The following APP variants were observed in gnomAD, a reference collection of about 807,000 sequenced individuals.
The protein encoded by APP is amyloid beta precursor protein.
A neutral mutation model predicts 101.4 loss-of-function variants in APP; 31 were observed. The observed-to-expected ratio is 0.31, with a 90% CI of 0.23 to 0.41. The LOEUF (loss-of-function observed/expected upper bound fraction) is 0.41. APP is among the 10% of genes least tolerant of loss of function. APP has a pLI of 1.00. For missense variants in APP, 839 were observed against 1,003.7 expected (o/e 0.84, Z 2.22); for synonymous variants, 366 against 364.4 (o/e 1.00, Z -0.05).
In APP at chr21:25,881,335, A is replaced by G. The variant is rs551830226; in HGVS notation, c.*335T>C. 1.6e-5 allele frequency: 6 copies of G among 373,468 alleles called. 1 individual carries two copies. In the Admixed American group the frequency reaches 2.4e-4, roughly 15 times the overall value. The allele number at this position is 373,468 out of a possible 1,614,324, so 23.1% of individuals were successfully genotyped here. A position where few individuals can be genotyped will look rare whatever the true frequency, so the allele number is the denominator to read the frequency against. On this transcript the variant is annotated 3_prime_UTR_variant, in exon 18 of 18. Transcript: ENST00000346798. ...CTTAATTGGGTCACAAACCACAAGA[A>G]TAATATACAACTGGCTAAGGGGCTA... is the stretch of plus-strand genomic sequence containing the variant.
chr21:26,065,392 CTATTAA>C (rs2046418074), intron 3 of APP, among the ~76,000 whole-genome samples: 1 of 152,080 alleles, frequency 6.6e-6, no homozygotes, highest in South Asian at 2.1e-4. Context: ...TCTGTGGTAT[CTATTAA>C]TAACTAGACA....
intron 6 of APP, among the ~76,000 whole-genome samples, chr21:26,004,719 G>T (rs1191823065): frequency 1.3e-5 from 2 of 152,024 alleles, no homozygotes; most frequent in Non-Finnish European, 2.9e-5. Context: ...TTGTTACATA[G>T]GTATACATGT....
chr21:26,040,870 G>T (rs1019520974), intron 5 of APP, among the ~76,000 whole-genome samples: 2 of 152,114 alleles, frequency 1.3e-5, no homozygotes, highest in African/African-American at 4.8e-5. Context: ...AAAAATTCAG[G>T]TGATCATGGC....
At chr21:25,911,246 G>C (rs2039055427) in intron 14 of APP, among the ~76,000 whole-genome samples, 2 of 152,102 alleles carry the variant, frequency 1.3e-5, no homozygotes, top group Non-Finnish European at 2.9e-5. Context: ...TTTATATTAA[G>C]AAGAGGAACT....
In APP at chr21:26,053,364, A is replaced by C. The variant is rs775756941; in HGVS notation, c.356-16T>G. On this transcript the variant is annotated splice_polypyrimidine_tract_variant and intron_variant, in intron 3 of 17. Transcript: ENST00000346798. ...AACTCACCAACTGAAAGAAAGGAAA[A>C]CCACTTCCCGTCATTCCATCTGTAT... 1 of 1,519,854 alleles carries C rather than the reference A, an allele frequency of 6.6e-7. No homozygotes were observed. The highest frequency in any genetic ancestry group is 9.1e-7 in the Non-Finnish European group (1 of 1,094,352). 94.1% of individuals were successfully genotyped at this position (1,519,854 alleles called of 1,614,324 possible).
At chr21:26,084,227 A>AT (rs869179482) in intron 3 of APP, among the ~76,000 whole-genome samples, 20,714 of 82,850 alleles carry the variant, frequency 0.25, 5,095 homozygotes, top group Non-Finnish European at 0.32. Context: ...GAAGGGCTCC[A>AT]TTTTTTTTTT....
chr21:25,939,281 G>A (rs1257682253), intron 13 of APP, among the ~76,000 whole-genome samples: 3 of 152,208 alleles, frequency 2.0e-5, no homozygotes. Context: ...TCACATCAAA[G>A]AGATCTAGAA....
intron 14 of APP, among the ~76,000 whole-genome samples, chr21:25,907,666 C>T (rs2038862153): frequency 6.6e-6 from 1 of 152,106 alleles, no homozygotes. Flanking sequence ...ATGGTCAGAC[C>T]TCTGGGATTT....
At chr21:25,997,003 A>G (rs2043081798) in intron 8 of APP, among the ~76,000 whole-genome samples, 2 of 152,258 alleles carry the variant, frequency 1.3e-5, no homozygotes, top group Admixed American at 1.3e-4. Context: ...GTTCTGCAAA[A>G]GCAGTGAGAG....
chr21:26,167,256 GGGGA>G (rs2146401407), intron 1 of APP, among the ~76,000 whole-genome samples: 1 of 152,296 alleles, frequency 6.6e-6, no homozygotes, highest in South Asian at 2.1e-4. Flanking sequence ...CTGGGAGTAA[GGGGA>G]GGGAGGAGGG....
At chr21:26,132,225 T>C (rs2062811601) in intron 1 of APP, among the ~76,000 whole-genome samples, 1 of 152,040 alleles carries the variant, frequency 6.6e-6, no homozygotes, top group Non-Finnish European at 1.5e-5. Flanking sequence ...CCTATCTCTT[T>C]AAAAAAGAAA....
chr21:26,064,214 T>C (rs959845687), intron 3 of APP, among the ~76,000 whole-genome samples: 10 of 152,130 alleles, frequency 6.6e-5, no homozygotes, highest in Non-Finnish European at 1.5e-4. Flanking sequence ...GAAAGGACAT[T>C]AGACAAAAAC....
chr21:26,152,293 A>AAAAAAAAAACAAC (rs1238124662), intron 1 of APP, among the ~76,000 whole-genome samples: 4 of 149,156 alleles, frequency 2.7e-5, no homozygotes, highest in African/African-American at 9.9e-5. Flanking sequence ...TCAAAAAAAA[A>AAAAAAAAAACAAC]AAAAAAAAAA....
At chr21:25,902,486 C>A (rs2146287276) in intron 15 of APP, among the ~76,000 whole-genome samples, 1 of 146,376 alleles carries the variant, frequency 6.8e-6, no homozygotes, top group Admixed American at 7.4e-5. Context: ...TAACTAGAAT[C>A]TTCCTCACTT....
chr21:26,043,832 C>T (rs796720774), intron 5 of APP, among the ~76,000 whole-genome samples: 1 of 152,148 alleles, frequency 6.6e-6, no homozygotes, highest in African/African-American at 2.4e-5. Context: ...TACTTGTGGG[C>T]TGATATTCTC....
chr21:26,148,454 G>A (rs902159380), intron 1 of APP, among the ~76,000 whole-genome samples: 4 of 152,174 alleles, frequency 2.6e-5, no homozygotes, highest in Non-Finnish European at 5.9e-5. Context: ...AAGGTCAGAT[G>A]GGGAGGGACA....
At chr21:25,932,428 C>A (rs2040187381) in intron 13 of APP, among the ~76,000 whole-genome samples, 1 of 152,140 alleles carries the variant, frequency 6.6e-6, no homozygotes, top group African/African-American at 2.4e-5. Context: ...GACTATTTCC[C>A]ACCCGGCCAC....
At chr21:26,042,237 T>A (rs2045403905) in intron 5 of APP, among the ~76,000 whole-genome samples, 2 of 152,162 alleles carry the variant, frequency 1.3e-5, no homozygotes, top group Non-Finnish European at 2.9e-5. Context: ...AATAAAAAGA[T>A]ATATAGTCAA....
intron 6 of APP, among the ~76,000 whole-genome samples, 158 bp downstream of exon 6, chr21:26,021,682 T>A (rs1477301736): frequency 6.6e-6 from 1 of 152,150 alleles, no homozygotes; most frequent in African/African-American, 2.4e-5. Flanking sequence ...TGTTTGCTTG[T>A]TAAACCAAAA....
Sources: gnomAD v4.1 joint callset for allele counts (sites outside exome capture counted in the v4.1 genomes callset) on GRCh38, gnomAD v4.1.1 for gene constraint, MANE v1.5 for transcripts, NCBI Gene and HGNC (gene_info 2026-07-23, HGNC 2026-07-21) for gene names.